Variants in CDC42BPA observed in about 807,000 individuals in gnomAD.
CDC42BPA encodes the protein CDC42 binding protein kinase alpha.
Under a neutral mutation model 223.5 loss-of-function variants are expected in CDC42BPA, and 80 were observed. The observed-to-expected ratio is 0.36, with a 90% CI of 0.30 to 0.43. The LOEUF is 0.43. Among genes scored for constraint, CDC42BPA ranks in the 20% least tolerant of loss-of-function variants. The probability of loss-of-function intolerance (pLI) is 1.00; values close to 1 mark genes in which losing one functional copy is unlikely to be tolerated. For missense variants in CDC42BPA, 1,743 were observed against 2,099.9 expected (o/e 0.83, Z 3.32); for synonymous variants, 694 against 718.6 (o/e 0.97, Z 0.55).
intron 3 of CDC42BPA, among the ~76,000 whole-genome samples, chr1:227,201,128 A>G (rs1027679580): frequency 3.8e-5 from 3 of 78,458 alleles, no homozygotes; most frequent in Non-Finnish European, 6.1e-5. Context: ...AAATATATGA[A>G]CAAAAATAAA....
intron 2 of CDC42BPA, among the ~76,000 whole-genome samples, chr1:227,237,150 C>T (rs1679200961): frequency 6.6e-6 from 1 of 151,194 alleles, no homozygotes. Flanking sequence ...ATGACTTGGG[C>T]AATGGTCCTT....
intron 1 of CDC42BPA, among the ~76,000 whole-genome samples, chr1:227,261,271 A>G (rs2148365334): frequency 6.6e-6 from 1 of 150,516 alleles, no homozygotes; most frequent in East Asian, 1.9e-4. Context: ...GCGTGCCACC[A>G]TGCCCAGCTA....
intron 3 of CDC42BPA, among the ~76,000 whole-genome samples, chr1:227,202,936 CATT>C (rs1239887883): frequency 6.6e-6 from 1 of 151,958 alleles, no homozygotes; most frequent in Non-Finnish European, 1.5e-5. Flanking sequence ...TCTTCAAAAA[CATT>C]AATTAAAATA....
At position 227,119,120 on chromosome 1, in the gene CDC42BPA, A is replaced by G. The variant is rs576743111; in HGVS notation, c.1647+684T>C. On this transcript the variant is annotated intron_variant, in intron 12 of 36. Transcript: ENST00000366766. ...TACAACTTATGCTATGCCACAAACTACTGATTTCTTGTTTGCAATGGCTAG... is the reference window on the plus strand; with the variant it reads ...TACAACTTATGCTATGCCACAAACTGCTGATTTCTTGTTTGCAATGGCTAG... 1.3e-4 allele frequency among the ~76,000 whole-genome samples: 20 copies of G among 152,198 alleles called. No individual in the cohort carries two copies. The South Asian group carries it at 3.9e-3, about 30-fold the overall frequency.
chr1:227,291,196 G>A (rs72632814), intron 1 of CDC42BPA, among the ~76,000 whole-genome samples: 14,840 of 152,004 alleles, frequency 0.098, 1,164 homozygotes, highest in East Asian at 0.36. Context: ...CTCCCCACCT[G>A]AACAAAAAAT....
At chr1:227,103,014 C>T (rs973452409) in intron 14 of CDC42BPA, among the ~76,000 whole-genome samples, 2 of 151,940 alleles carry the variant, frequency 1.3e-5, no homozygotes, top group Non-Finnish European at 2.9e-5. Context: ...CCATTTTGAG[C>T]TATCAAAATA....
Position 226,992,732 on chromosome 1 carries a change from A to G in CDC42BPA, c.*1536T>C, listed in dbSNP as rs934084692. 2 of 152,244 alleles carry G rather than the reference A, an allele frequency of 1.3e-5. No homozygotes were observed. The highest frequency in any genetic ancestry group is 2.9e-5 in the Non-Finnish European group (2 of 68,048). 9.4% of individuals were successfully genotyped at this position (152,244 alleles called of 1,614,324 possible). A position where few individuals can be genotyped will look rare whatever the true frequency, so the allele number is the denominator to read the frequency against. ...AGAGGCAAAATCTCTTTCCTTCATGAGATACTTTTATTTTTATCTCTTTCT... is the reference window on the plus strand; with the variant it reads ...AGAGGCAAAATCTCTTTCCTTCATGGGATACTTTTATTTTTATCTCTTTCT... On this transcript the variant is annotated 3_prime_UTR_variant, in exon 37 of 37. Transcript: ENST00000366766.
intron 5 of CDC42BPA, among the ~76,000 whole-genome samples, chr1:227,192,261 TC>T (rs754441204): frequency 4.6e-5 from 7 of 152,042 alleles, no homozygotes; most frequent in Admixed American, 2.0e-4. Flanking sequence ...CAGAGATCAC[TC>T]TCACCACCCA....
At chr1:227,262,352 G>A (rs888092085) in intron 1 of CDC42BPA, among the ~76,000 whole-genome samples, 6 of 151,844 alleles carry the variant, frequency 4.0e-5, no homozygotes, top group African/African-American at 1.5e-4. Context: ...TCTCTATGCT[G>A]TTTAAAGTAC....
At chr1:227,212,716 T>C (rs1674147862) in intron 3 of CDC42BPA, among the ~76,000 whole-genome samples, 1 of 152,194 alleles carries the variant, frequency 6.6e-6, no homozygotes, top group African/African-American at 2.4e-5. Context: ...AGTGACTGCA[T>C]AATCAGCATT....
chr1:227,223,734 T>A (rs572090907), intron 2 of CDC42BPA, among the ~76,000 whole-genome samples: 10 of 152,176 alleles, frequency 6.6e-5, no homozygotes, highest in Non-Finnish European at 1.2e-4. Context: ...CTTACAATAG[T>A]TCAACTGATG....
At chr1:227,131,670 C>T (rs1162645148) in intron 10 of CDC42BPA, among the ~76,000 whole-genome samples, 1 of 152,086 alleles carries the variant, frequency 6.6e-6, no homozygotes, top group South Asian at 2.1e-4. Context: ...GAGGTCTTAC[C>T]TTCCAAAGTT....
Position 227,029,235 on chromosome 1 carries a change from C to T in CDC42BPA, c.3854G>A (p.Gly1285Asp). ...AATCTGATGAATCTTCTTATTGTCA[C>T]CAACTCTAATAATTTCTAAACACAG... ...HVTKDEIIRV[G>D]DNKKIHQIEL... Residue 1285 changes from glycine (G) to aspartate (D), a missense_variant, in exon 30 of 37, where the codon GGT becomes GAT. Physicochemically the swap from Gly to Asp is moderately conservative, Grantham distance 94. Coordinates refer to ENST00000366766, the MANE Select transcript of CDC42BPA (RefSeq NM_001394014.1). 1 of 1,572,784 alleles carries T rather than the reference C, an allele frequency of 6.4e-7. No individual in the cohort carries two copies. Among genetic ancestry groups the T allele is most frequent in the East Asian group, 2.2e-5 (1 of 44,492 alleles).
intron 1 of CDC42BPA, among the ~76,000 whole-genome samples, chr1:227,304,080 G>A (rs1170844631): frequency 6.6e-6 from 1 of 152,084 alleles, no homozygotes; most frequent in African/African-American, 2.4e-5. Context: ...AACTGCTAGG[G>A]GATAATAAAT....
intron 16 of CDC42BPA, among the ~76,000 whole-genome samples, chr1:227,082,239 T>A (rs975649364): frequency 1.0e-5 from 1 of 97,700 alleles, no homozygotes; most frequent in Non-Finnish European, 2.0e-5. Flanking sequence ...ACAGATGGGG[T>A]CTTGGCATGT....
chr1:227,134,196 T>C (rs976035361), intron 10 of CDC42BPA, among the ~76,000 whole-genome samples: 8 of 152,288 alleles, frequency 5.3e-5, no homozygotes, highest in Admixed American at 6.5e-5. Context: ...TTAGATTCTT[T>C]GGTCCATCAC....
intron 1 of CDC42BPA, among the ~76,000 whole-genome samples, chr1:227,273,971 T>C (rs1474522062): frequency 1.7e-5 from 2 of 114,906 alleles, no homozygotes; most frequent in Non-Finnish European, 3.4e-5. Context: ...CCTGGTTTGA[T>C]AGTTTTCAAA....
intron 23 of CDC42BPA, among the ~76,000 whole-genome samples, chr1:227,046,062 TC>T (rs1305070910): frequency 6.6e-6 from 1 of 152,092 alleles, no homozygotes; most frequent in Non-Finnish European, 1.5e-5. Flanking sequence ...CGCCTAAGCC[TC>T]CCAAAATGCT....
chr1:227,211,391 A>C (rs1673868950), intron 3 of CDC42BPA, among the ~76,000 whole-genome samples: 1 of 152,178 alleles, frequency 6.6e-6, no homozygotes, highest in South Asian at 2.1e-4. Flanking sequence ...CAGCAATCCC[A>C]CTACTAGGTA....
Sources: gnomAD v4.1 joint callset for allele counts (sites outside exome capture counted in the v4.1 genomes callset) on GRCh38, gnomAD v4.1.1 for gene constraint, MANE v1.5 for transcripts, NCBI Gene and HGNC (gene_info 2026-07-23, HGNC 2026-07-21) for gene names.